The following SLC10A2 variants were observed in gnomAD, a reference collection of about 807,000 sequenced individuals.
SLC10A2 encodes solute carrier family 10 member 2.
A neutral mutation model predicts 27.1 loss-of-function variants in SLC10A2; 34 were observed. The ratio of observed to expected loss-of-function variants is 1.26; its 90% CI spans 0.96 to 1.67. The LOEUF (loss-of-function observed/expected upper bound fraction) is 1.67. Ranked by LOEUF, SLC10A2 falls within the 40% of genes most tolerant of loss-of-function variation. The pLI is 0.00. For missense variants in SLC10A2, 530 were observed against 444.4 expected, an observed-to-expected ratio of 1.19 and a Z score of -1.73; for synonymous variants, 205 against 174.0, an observed-to-expected ratio of 1.18 and a Z score of -1.40.
rs145573837 is a variant in SLC10A2 at position 103,050,491 on chromosome 13, C to T, written c.761+766G>A. On this transcript the variant is annotated intron_variant, in intron 4 of 5. Coordinates refer to ENST00000245312, the MANE Select transcript of SLC10A2 (RefSeq NM_000452.3). ...GTGTGAAACCCATTTTAATATTCGG[C>T]GCCTTTGGAGGATGAGCTCACCCTG... is the stretch of plus-strand genomic sequence containing the variant. Among the ~76,000 whole-genome samples, 39 of 152,304 alleles carry T rather than the reference C, an allele frequency of 2.6e-4. No individual in the cohort carries two copies. In the East Asian group the frequency reaches 4.4e-3, roughly 17 times the overall value.
chr13:103,048,346 A>C (rs2138911051), intron 5 of SLC10A2, among the ~76,000 whole-genome samples: 1 of 151,732 alleles, frequency 6.6e-6, no homozygotes, highest in African/African-American at 2.4e-5. Context: ...AGCAGAGATC[A>C]CACCACTGCA....
At chr13:103,055,527 T>C (rs1451647898) in intron 2 of SLC10A2, among the ~76,000 whole-genome samples, 1 of 152,188 alleles carries the variant, frequency 6.6e-6, no homozygotes, top group Non-Finnish European at 1.5e-5. Context: ...TGATAACATC[T>C]TGTGAAGCAG....
Position 103,051,347 on chromosome 13 carries a change from G to A in SLC10A2, c.671C>T (p.Pro224Leu), listed in dbSNP as rs1217827674. The A allele has an allele frequency of 6.2e-7, 1 of 1,614,060 alleles. No homozygotes were observed. Among genetic ancestry groups the A allele is most frequent in the Non-Finnish European group, 8.5e-7 (1 of 1,179,974 alleles). ...ILYQSAWIIA[P>L]KLWIIGTIFP... ...TATTGTTCCTATAATCCACAGTTTGGGAGCAATGATCCAGGCGCTTTGGTA... is the reference window on the plus strand; with the variant it reads ...TATTGTTCCTATAATCCACAGTTTGAGAGCAATGATCCAGGCGCTTTGGTA... Residue 224 changes from proline (P) to leucine (L), a missense_variant, in exon 4 of 6, where the codon CCC (proline) becomes CTC (leucine). Physicochemically the swap from Pro to Leu is moderately conservative, Grantham distance 98 (BLOSUM62 -3). Coordinates refer to ENST00000245312, the MANE Select transcript of SLC10A2 (RefSeq NM_000452.3).
At chr13:103,052,827 CA>C in intron 2 of SLC10A2, 119 bp from the exon 3 acceptor site, 1 of 716,822 alleles carries the variant, frequency 1.4e-6, no homozygotes, top group Non-Finnish European at 2.6e-6. Flanking sequence ...TTCTTGAATA[CA>C]CAAAACAGAA....
At chr13:103,047,826 T>C (rs1875655448) in intron 5 of SLC10A2, among the ~76,000 whole-genome samples, 1 of 152,036 alleles carries the variant, frequency 6.6e-6, no homozygotes, top group Non-Finnish European at 1.5e-5. Context: ...TATCAACCAG[T>C]CCACTTTCTC....
In SLC10A2 at chr13:103,045,811, G is replaced by A. The variant is rs1166198980; in HGVS notation, c.*322C>T. On this transcript the variant is annotated 3_prime_UTR_variant, in exon 6 of 6. Coordinates refer to ENST00000245312, the MANE Select transcript of SLC10A2 (RefSeq NM_000452.3). ...AATTCTGCATAAGAATTCAGTTTTG[G>A]TGTTAAAGATGTTTTCATTCTCGGT... The A allele has an allele frequency of 9.6e-6, 2 of 207,290 alleles. No homozygotes were observed. The highest frequency in any genetic ancestry group is 2.0e-5 in the Non-Finnish European group (2 of 101,820). The allele number at this position is 207,290 out of a possible 1,614,324, so 12.8% of individuals were successfully genotyped here.
rs1400822904 is a variant in SLC10A2, at chr13:103,046,362, T to C, written c.920-102A>G. 8.1e-6 allele frequency: 8 copies of C among 993,088 alleles called. No individual in the cohort carries two copies. In the East Asian group the frequency reaches 2.1e-4, roughly 26 times the overall value. 61.5% of individuals were successfully genotyped at this position (993,088 alleles called of 1,614,324 possible). On this transcript the variant is annotated intron_variant, in intron 5 of 5. Coordinates refer to ENST00000245312, the MANE Select transcript of SLC10A2 (RefSeq NM_000452.3). ...CCTATGATTCACATGGCAGATCACATTTTCTGTAGACTGGAGGCTGCTTAG... is the reference window on the plus strand; with the variant it reads ...CCTATGATTCACATGGCAGATCACACTTTCTGTAGACTGGAGGCTGCTTAG...
At position 103,051,349 on chromosome 13, in the gene SLC10A2, A is replaced by G. The variant is rs1454810402; in HGVS notation, c.669T>C (p.Ala223=). 1 of 1,614,124 alleles carries G rather than the reference A, an allele frequency of 6.2e-7. No homozygotes were observed. The highest frequency in any genetic ancestry group is 1.6e-4 in the Middle Eastern group (1 of 6,062). ...GILYQSAWII[A]PKLWIIGTIF... is the part of the protein sequence containing the mutation. ...TTGTTCCTATAATCCACAGTTTGGG[A>G]GCAATGATCCAGGCGCTTTGGTACA... The change falls in exon 4 of 6, where the codon GCT becomes GCC. Residue 223 remains alanine, a synonymous_variant. Transcript: ENST00000245312.
At chr13:103,052,389 A>G (rs1269675439) in intron 3 of SLC10A2, among the ~76,000 whole-genome samples, 1 of 152,146 alleles carries the variant, frequency 6.6e-6, no homozygotes, top group Non-Finnish European at 1.5e-5. Context: ...TGGAAGGATC[A>G]CTTGAGCACA....
intron 1 of SLC10A2, among the ~76,000 whole-genome samples, chr13:103,059,198 C>A (rs7321830): frequency 0.4 from 61,511 of 152,090 alleles, 13,276 homozygotes; most frequent in Non-Finnish European, 0.48. Context: ...TTGCATTTCT[C>A]TAATGATCAG....
intron 2 of SLC10A2, 62 bp downstream of exon 2, chr13:103,058,202 A>C (rs1875995640): frequency 1.0e-6 from 1 of 979,570 alleles, no homozygotes; most frequent in Admixed American, 1.7e-5. Context: ...CTGAGAGCCT[A>C]GCAGGGGGTA....
At chr13:103,065,751 T>C (rs1876251625) in intron 1 of SLC10A2, 122 bp downstream of exon 1, 1 of 1,097,688 alleles carries the variant, frequency 9.1e-7, no homozygotes, top group African/African-American at 1.5e-5. Flanking sequence ...TATTCTCTCC[T>C]GTTTGATTCC....
intron 1 of SLC10A2, among the ~76,000 whole-genome samples, chr13:103,063,987 C>T (rs1746672052): frequency 6.6e-6 from 1 of 152,126 alleles, no homozygotes. Flanking sequence ...TGCTTCCTTC[C>T]CCGCTTCTTA....
Position 103,058,356 on chromosome 13 carries a change from A to G in SLC10A2, c.404T>C (p.Leu135Pro), listed in dbSNP as rs1288115297. The G allele has an allele frequency of 6.2e-7, 1 of 1,613,468 alleles. No homozygotes were observed. Among genetic ancestry groups the G allele is most frequent in the African/African-American group, 1.3e-5 (1 of 74,924 alleles). The change falls in exon 2 of 6, where the codon CTG becomes CCG. Residue 135 changes from leucine to proline, a missense_variant. Leu to Pro is a moderately conservative substitution (Grantham distance 98). Transcript: ENST00000245312. Reference protein sequence around the residue: ...LSVSMTTCSTLLALGMMPLCL... With the variant: ...LSVSMTTCSTPLALGMMPLCL... ...CAGCGGCATCATTCCGAGGGCAAGC[A>G]GTGTGGAGCATGTGGTCATGCTGAC... is the stretch of plus-strand genomic sequence containing the variant.
chr13:103,053,081 GGTGTGT>G (rs143709540), intron 2 of SLC10A2, among the ~76,000 whole-genome samples: 25,348 of 144,934 alleles, frequency 0.17, 2,195 homozygotes, highest in East Asian at 0.24. Flanking sequence ...AGCTCACCAA[GGTGTGT>G]GTGTGTGTGT....
At position 103,046,144 on chromosome 13, in the gene SLC10A2, C is replaced by G. The variant is rs140191785; in HGVS notation, c.1036G>C (p.Asp346His). Residue 346 changes from aspartate to histidine, a missense_variant, in exon 6 of 6, where the codon GAC becomes CAC. Transcript: ENST00000245312. ...TGTCCACTTGATGTCTACTTTTCGT[C>G]AGGTTGAAATCCTCCATTTGCCTTA... ...FYKANGGFQP[D>H]EK is the part of the protein sequence containing the mutation. 3.7e-6 allele frequency: 6 copies of G among 1,613,730 alleles called. No individual in the cohort carries two copies. The African/African-American group carries it at 6.7e-5, about 18-fold the overall frequency.
intron 4 of SLC10A2, 125 bp downstream of exon 4, chr13:103,051,132 T>G: frequency 5.5e-6 from 5 of 905,500 alleles, no homozygotes; most frequent in Non-Finnish European, 8.9e-6. Context: ...TCTGAAACCA[T>G]GAGACAATAA....
At chr13:103,056,622 T>C (rs910366961) in intron 2 of SLC10A2, among the ~76,000 whole-genome samples, 1 of 152,182 alleles carries the variant, frequency 6.6e-6, no homozygotes, top group African/African-American at 2.4e-5. Flanking sequence ...GATATAATGG[T>C]CACCACTCAC....
Position 103,051,253 on chromosome 13 carries a change from A to C in SLC10A2, c.761+4T>G, listed in dbSNP as rs200484022. 2 of 1,613,826 alleles carry C rather than the reference A, an allele frequency of 1.2e-6. No individual in the cohort carries two copies. Among genetic ancestry groups the C allele is most frequent in the East Asian group, 2.2e-5 (1 of 44,872 alleles). The stretch of plus-strand genomic sequence containing the variant: ...TTCCCAATGTGATTTACTAAATGCC[A>C]TACCTGTACCAGGGTAGACCAGCAA... On this transcript the variant is annotated splice_donor_region_variant and intron_variant, in intron 4 of 5. Transcript: ENST00000245312.
Sources: allele counts gnomAD v4.1 joint callset (sites outside exome capture counted in the v4.1 genomes callset), GRCh38; gene constraint gnomAD v4.1.1; transcripts MANE v1.5; gene names NCBI Gene and HGNC (gene_info 2026-07-23, HGNC 2026-07-21).